Variants in MTMR8 observed in about 807,000 individuals in gnomAD.
MTMR8 encodes the protein myotubularin related protein 8.
MTMR8 carries 65 observed loss-of-function variants against 39.3 expected under a neutral mutation model. The ratio of observed to expected loss-of-function variants is 1.65; its 90% CI spans 1.35 to 2.03. The LOEUF (loss-of-function observed/expected upper bound fraction) is 2.03. Ranked by LOEUF, MTMR8 falls within the 30% of genes most tolerant of loss-of-function variation. The probability of loss-of-function intolerance (pLI) is 0.00; values close to 1 mark genes in which losing one functional copy is unlikely to be tolerated. For synonymous variants in MTMR8, 245 were observed against 185.2 expected (o/e 1.32, Z -2.62); for missense variants, 777 against 538.9 (o/e 1.44, Z -4.37).
intron 12 of MTMR8, among the ~76,000 whole-genome samples, chrX:64,285,440 C>A (rs1921127034): frequency 9.0e-6 from 1 of 111,103 alleles, no homozygotes; most frequent in Non-Finnish European, 1.9e-5. Context: ...CAAGGATATC[C>A]AGGAACTGAA....
At chrX:64,382,859 C>G (rs1319505507) in intron 1 of MTMR8, among the ~76,000 whole-genome samples, 1 of 111,436 alleles carries the variant, frequency 9.0e-6, no homozygotes, top group Non-Finnish European at 1.9e-5. Context: ...TTAAGAAATA[C>G]TGATTATTTG....
intron 1 of MTMR8, among the ~76,000 whole-genome samples, chrX:64,390,518 T>C (rs1399684090): frequency 8.9e-6 from 1 of 112,059 alleles, no homozygotes; most frequent in East Asian, 2.8e-4. Context: ...TGACCTTGGA[T>C]AAAAAACTCT....
rs187089536 is a variant in MTMR8 at position 64,367,864 on chromosome X, T to C, written c.25-8337A>G. ...ATGATTGTATATCTAGAAAACCCCATTGTCTCAGCCCAAAATCTCATTAAG... is the reference window on the plus strand; with the variant it reads ...ATGATTGTATATCTAGAAAACCCCACTGTCTCAGCCCAAAATCTCATTAAG... On this transcript the variant is annotated intron_variant, in intron 1 of 13. Transcript: ENST00000374852. Among the ~76,000 whole-genome samples the C allele has an allele frequency of 5.2e-4, 58 of 111,734 alleles. No homozygotes were observed. In the East Asian group the frequency reaches 0.015, roughly 28 times the overall value.
intron 1 of MTMR8, among the ~76,000 whole-genome samples, chrX:64,368,333 G>A (rs1382824452): frequency 1.8e-5 from 2 of 111,424 alleles, no homozygotes; most frequent in East Asian, 5.6e-4. Context: ...AAAGCTGGAG[G>A]GGTCACACTA....
chrX:64,278,461 T>G (rs1488090175), intron 12 of MTMR8, among the ~76,000 whole-genome samples: 4 of 4,281 alleles, frequency 9.3e-4, no homozygotes, highest in African/African-American at 2.3e-3. Context: ...ATTTTGCTGG[T>G]TTTTTTTTTT....
chrX:64,286,514 G>C (rs1921182971), intron 12 of MTMR8, among the ~76,000 whole-genome samples: 1 of 111,565 alleles, frequency 9.0e-6, no homozygotes, highest in Non-Finnish European at 1.9e-5. Context: ...AACAAAAGAA[G>C]ATAATTTTAG....
intron 4 of MTMR8, among the ~76,000 whole-genome samples, chrX:64,351,605 A>G (rs1185826901): frequency 9.0e-6 from 1 of 111,382 alleles, no homozygotes; most frequent in Non-Finnish European, 1.9e-5. Flanking sequence ...GGAGCAAGAA[A>G]GCCAGTAGTG....
intron 12 of MTMR8, among the ~76,000 whole-genome samples, chrX:64,317,534 A>T (rs190108846): frequency 9.0e-6 from 1 of 110,894 alleles, no homozygotes; most frequent in Admixed American, 9.5e-5. Context: ...AATAATTTTC[A>T]TTTGGTTCTC....
At chrX:64,278,858 G>GC (rs1931942847) in intron 12 of MTMR8, among the ~76,000 whole-genome samples, 1 of 111,356 alleles carries the variant, frequency 9.0e-6, no homozygotes, top group African/African-American at 3.3e-5. Flanking sequence ...TTTGCTGGAT[G>GC]CCCACTCCAG....
intron 12 of MTMR8, among the ~76,000 whole-genome samples, chrX:64,311,174 CTT>C (rs1198748382): frequency 9.0e-6 from 1 of 111,625 alleles, no homozygotes; most frequent in Non-Finnish European, 1.9e-5. Flanking sequence ...TGTATCCTGA[CTT>C]TTTAATGTTC....
At chrX:64,269,425 A>G (rs192498088) in intron 13 of MTMR8, among the ~76,000 whole-genome samples, 1 of 111,673 alleles carries the variant, frequency 9.0e-6, no homozygotes, top group African/African-American at 3.2e-5. Context: ...GCTATATTTT[A>G]CAAATGAAGA....
At chrX:64,269,167 C>T in intron 13 of MTMR8, 124 bp from the exon 14 acceptor site, 3 of 640,452 alleles carry the variant, frequency 4.7e-6, no homozygotes, top group South Asian at 3.0e-5. Flanking sequence ...ACCTTTTGCT[C>T]ACCCCCTCCC....
chrX:64,271,492 C>A (rs1341063852), intron 12 of MTMR8, among the ~76,000 whole-genome samples: 4 of 111,884 alleles, frequency 3.6e-5, no homozygotes, highest in African/African-American at 1.3e-4. Flanking sequence ...ATGAGAAATC[C>A]AGCAACTCAT....
intron 6 of MTMR8, among the ~76,000 whole-genome samples, chrX:64,347,332 A>C (rs1197368100): frequency 1.8e-5 from 2 of 111,790 alleles, no homozygotes; most frequent in African/African-American, 6.5e-5. Context: ...TCTCTTTACT[A>C]TTTTAAGATT....
rs184148881 is a variant in MTMR8 at position 64,280,576 on chromosome X, C to A, written c.1482-9503G>T. On this transcript the variant is annotated intron_variant, in intron 12 of 13. Coordinates refer to ENST00000374852, the MANE Select transcript of MTMR8 (RefSeq NM_017677.4). ...AATAATAGGAGTTATTTATGACAAA[C>A]CCACAGCCAATATCATACTGAATGG... Among the ~76,000 whole-genome samples, 129 of 111,441 alleles carry A rather than the reference C, an allele frequency of 1.2e-3. 1 individual carries two copies. Among genetic ancestry groups the A allele is most frequent in the African/African-American group, 4.2e-3 (129 of 30,717 alleles).
At position 64,295,399 on chromosome X, in the gene MTMR8, A is replaced by G. The variant is rs536196889; in HGVS notation, c.1482-24326T>C. On this transcript the variant is annotated intron_variant, in intron 12 of 13. Coordinates refer to ENST00000374852, the MANE Select transcript of MTMR8 (RefSeq NM_017677.4). ...GAGAACATAGGGGGAAATCTTCATG[A>G]CATGGAATTTGGCAATGATTTCCTC... Among the ~76,000 whole-genome samples, 7 of 111,734 alleles carry G rather than the reference A, an allele frequency of 6.3e-5. No individual in the cohort carries two copies. In the East Asian group the frequency reaches 1.7e-3, roughly 27 times the overall value.
At chrX:64,295,898 C>T (rs5964758) in intron 12 of MTMR8, among the ~76,000 whole-genome samples, 2 of 111,327 alleles carry the variant, frequency 1.8e-5, no homozygotes, top group Non-Finnish European at 1.9e-5. Flanking sequence ...AAAACAACTT[C>T]GAAGTCGTTT....
intron 1 of MTMR8, among the ~76,000 whole-genome samples, chrX:64,389,980 G>A (rs1202849254): frequency 8.9e-6 from 1 of 111,747 alleles, no homozygotes. Context: ...GAACTGGAAG[G>A]GGAGCACAAT....
chrX:64,335,428 G>A lies in MTMR8; in HGVS notation c.1151+651C>T, dbSNP rs143577868. Among the ~76,000 whole-genome samples, 629 of 111,936 alleles carry A rather than the reference G, an allele frequency of 5.6e-3. 8 individuals carry two copies. The highest frequency in any genetic ancestry group is 0.019 in the African/African-American group (595 of 30,822). On this transcript the variant is annotated intron_variant, in intron 10 of 13. Transcript: ENST00000374852. ...ATCACAGGTATGAGCCACTGCACCC[G>A]GCCAAATCTCAAATTTTATTTGCCT... is the stretch of plus-strand genomic sequence containing the variant.
Sources: gnomAD v4.1 joint callset for allele counts (sites outside exome capture counted in the v4.1 genomes callset) on GRCh38, gnomAD v4.1.1 for gene constraint, MANE v1.5 for transcripts, NCBI Gene and HGNC (gene_info 2026-07-23, HGNC 2026-07-21) for gene names.